Variants in NDC80 observed in about 807,000 individuals in gnomAD.
The protein encoded by NDC80 is kinetochore protein NDC80 homolog.
In NDC80, 69 loss-of-function variants were observed where a neutral mutation model predicts 89.3. The observed-to-expected ratio is 0.77, with a 90% CI of 0.64 to 0.94. The LOEUF is 0.94. Among genes scored for constraint, NDC80 ranks in the 40% least tolerant of loss-of-function variants. The pLI, the probability that NDC80 is intolerant of heterozygous loss-of-function variation, is 0.00. For synonymous variants in NDC80, 243 were observed against 255.6 expected (o/e 0.95, Z 0.47); for missense variants, 593 against 739.6 (o/e 0.80, Z 2.30).
Position 2,578,908 on chromosome 18 carries a change from T to C in NDC80, c.477-19T>C. ...TATAATAACATTAAATTAGCTTATG[T>C]TTTTCTGATTTCTCATAGGTATCCT... is the stretch of plus-strand genomic sequence containing the variant. On this transcript the variant is annotated intron_variant, in intron 5 of 16. Coordinates refer to ENST00000261597, the MANE Select transcript of NDC80 (RefSeq NM_006101.3). The C allele has an allele frequency of 7.4e-7, 1 of 1,357,294 alleles. No individual in the cohort carries two copies. The allele number at this position is 1,357,294 out of a possible 1,614,324, so 84.1% of individuals were successfully genotyped here.
At chr18:2,603,332 A>T (rs974431972) in intron 13 of NDC80, among the ~76,000 whole-genome samples, 2 of 123,180 alleles carry the variant, frequency 1.6e-5, no homozygotes, top group Non-Finnish European at 3.4e-5. Context: ...TAGTTGGAGA[A>T]CAACAGAAGA....
At chr18:2,592,528 AT>A (rs933655506) in intron 10 of NDC80, among the ~76,000 whole-genome samples, 4 of 150,278 alleles carry the variant, frequency 2.7e-5, no homozygotes, top group Non-Finnish European at 4.4e-5. Flanking sequence ...GCTAATTTTC[AT>A]TTTTTTTAGT....
In NDC80 at chr18:2,578,930, T is replaced by C; in HGVS notation, c.480T>C (p.Tyr160=). The C allele has an allele frequency of 1.4e-6, 2 of 1,477,746 alleles. No individual in the cohort carries two copies. The highest frequency in any genetic ancestry group is 1.4e-5 in the South Asian group (1 of 71,528). The allele number at this position is 1,477,746 out of a possible 1,614,324, so 91.5% of individuals were successfully genotyped here. ...ATGTTTTTCTGATTTCTCATAGGTATCCTTTTGCACTATCCAAAAGCTCCA... is the reference window on the plus strand; with the variant it reads ...ATGTTTTTCTGATTTCTCATAGGTACCCTTTTGCACTATCCAAAAGCTCCA... The part of the protein sequence containing the change: ...EVPRIFKDLG[Y]PFALSKSSMY... The change falls in exon 6 of 17, where the codon TAT becomes TAC. Residue 160 remains tyrosine, a synonymous_variant. Transcript: ENST00000261597.
intron 10 of NDC80, chr18:2,593,788 C>A (rs2072639726): frequency 4.0e-6 from 1 of 247,818 alleles, no homozygotes; most frequent in Non-Finnish European, 8.1e-6. Flanking sequence ...TTCCTACAAT[C>A]CACTTATTTG....
chr18:2,600,665 G>A (rs938923651), intron 12 of NDC80, among the ~76,000 whole-genome samples: 2 of 151,310 alleles, frequency 1.3e-5, no homozygotes, highest in African/African-American at 2.4e-5. Context: ...GCAAGGAGCA[G>A]GCCAAAATTA....
Position 2,590,065 on chromosome 18 carries a change from T to TG in NDC80, c.919dup (p.Val307GlyfsTer19). 8 of 1,610,210 alleles carry TG rather than the reference T, an allele frequency of 5.0e-6. No homozygotes were observed. The highest frequency in any genetic ancestry group is 6.8e-6 in the Non-Finnish European group (8 of 1,178,200). The stretch of plus-strand genomic sequence containing the variant: ...AACTGAAGGCTTCCTTACAAGGAGA[T>TG]GTTCAAAAGTATCAGGCATACATGA... On this transcript the variant is annotated frameshift_variant, in exon 10 of 17. Transcript: ENST00000261597. LOFTEE classifies it high-confidence loss of function.
intron 13 of NDC80, 141 bp from the exon 14 acceptor site, chr18:2,606,274 C>T: frequency 2.2e-6 from 1 of 452,600 alleles, no homozygotes. Context: ...AGTTTTTGGA[C>T]AAATGATAAG....
intron 12 of NDC80, among the ~76,000 whole-genome samples, chr18:2,599,485 G>A (rs899993516): frequency 1.3e-5 from 2 of 152,174 alleles, no homozygotes; most frequent in African/African-American, 2.4e-5. Context: ...ACAAGTTATA[G>A]TGAAAAGATC....
chr18:2,607,998 T>TATATATATATATATATATAA (rs771183596), intron 14 of NDC80, among the ~76,000 whole-genome samples: 2 of 126,930 alleles, frequency 1.6e-5, no homozygotes, highest in East Asian at 2.4e-4. Context: ...TATATATATA[T>TATATATATATATATATATAA]AACTTATTTA....
chr18:2,580,794 T>A (rs1296575059), intron 6 of NDC80, among the ~76,000 whole-genome samples: 2 of 126,848 alleles, frequency 1.6e-5, no homozygotes, highest in African/African-American at 5.7e-5. Flanking sequence ...TGGGCTGGAG[T>A]GCAGTGGCAC....
intron 9 of NDC80, 147 bp downstream of exon 9, chr18:2,589,457 T>C: frequency 3.2e-6 from 2 of 621,358 alleles, no homozygotes; most frequent in East Asian, 2.8e-5. Context: ...AAACTCCCAA[T>C]GAAAACATGT....
intron 14 of NDC80, 87 bp downstream of exon 14, chr18:2,606,594 A>C (rs2072713033): frequency 1.2e-6 from 1 of 810,168 alleles, no homozygotes; most frequent in South Asian, 1.9e-5. Context: ...TCAAAATCAA[A>C]ATCTTTAAGC....
chr18:2,591,380 A>G (rs1018938004), intron 10 of NDC80, among the ~76,000 whole-genome samples: 1 of 152,048 alleles, frequency 6.6e-6, no homozygotes, highest in Non-Finnish European at 1.5e-5. Context: ...AAATAAATTT[A>G]TTGACAACTA....
chr18:2,603,356 CATAT>C lies in NDC80; in HGVS notation c.1464+1891_1464+1894del, dbSNP rs60997707. Among the ~76,000 whole-genome samples, 515 of 120,722 alleles carry C rather than the reference CATAT, an allele frequency of 4.3e-3. 17 individuals are homozygous for C. Among genetic ancestry groups the C allele is most frequent in the African/African-American group, 0.013 (410 of 30,656 alleles). 79.2% of individuals were successfully genotyped at this position (120,722 alleles called of 152,430 possible). On this transcript the variant is annotated intron_variant, in intron 13 of 16. Transcript: ENST00000261597. ...AACAACAGAAGAGAATATGTTTATA[CATAT>C]ATATATATATATATATATACACCTA... is the stretch of plus-strand genomic sequence containing the variant.
At chr18:2,592,735 C>G (rs1045810641) in intron 10 of NDC80, among the ~76,000 whole-genome samples, 1 of 152,128 alleles carries the variant, frequency 6.6e-6, no homozygotes, top group East Asian at 1.9e-4. Flanking sequence ...TTTACTTTAT[C>G]TAACCATGAA....
rs903500409 is a variant in NDC80 at position 2,603,479 on chromosome 18, A to G, written c.1464+1994A>G. Among the ~76,000 whole-genome samples, 14 of 151,098 alleles carry G rather than the reference A, an allele frequency of 9.3e-5. No homozygotes were observed. In the East Asian group the frequency reaches 2.7e-3, roughly 29 times the overall value. ...ACTAACAACTAAAATTGTTTTTCCT[A>G]TTGGACAAGTAGTTTAAGTTAAGAT... On this transcript the variant is annotated intron_variant, in intron 13 of 16. Transcript: ENST00000261597.
intron 16 of NDC80, chr18:2,614,392 G>A (rs140346608): frequency 0.022 from 3,871 of 172,590 alleles, 164 homozygotes; most frequent in East Asian, 0.06. Context: ...AGCCGAGATC[G>A]CACCACTGCA....
At chr18:2,588,206 T>C (rs995926655) in intron 8 of NDC80, among the ~76,000 whole-genome samples, 1 of 152,198 alleles carries the variant, frequency 6.6e-6, no homozygotes, top group African/African-American at 2.4e-5. Flanking sequence ...GACAGTATAA[T>C]AAAGTCATAA....
intron 10 of NDC80, among the ~76,000 whole-genome samples, chr18:2,593,182 G>A (rs955127459): frequency 6.6e-6 from 1 of 151,592 alleles, no homozygotes; most frequent in Non-Finnish European, 1.5e-5. Flanking sequence ...AGCCTCCCAA[G>A]TAGCTGGGAC....
Sources: gnomAD v4.1 joint callset for allele counts (sites outside exome capture counted in the v4.1 genomes callset) on GRCh38, gnomAD v4.1.1 for gene constraint, MANE v1.5 for transcripts, NCBI Gene and HGNC (gene_info 2026-07-23, HGNC 2026-07-21) for gene names.